The following RPRD1A variants were observed in gnomAD, a reference collection of about 807,000 sequenced individuals.
RPRD1A encodes the protein regulation of nuclear pre-mRNA domain containing 1A.
RPRD1A carries 9 observed loss-of-function variants against 37.8 expected under a neutral mutation model. The ratio of observed to expected loss-of-function variants is 0.24; its 90% CI spans 0.14 to 0.42. The LOEUF (loss-of-function observed/expected upper bound fraction) is 0.42. RPRD1A is among the 10% of genes least tolerant of loss of function. The probability of loss-of-function intolerance (pLI) is 1.00; values close to 1 mark genes in which losing one functional copy is unlikely to be tolerated. For synonymous variants in RPRD1A, 138 were observed against 139.7 expected (o/e 0.99, Z 0.08); for missense variants, 255 against 371.0 (o/e 0.69, Z 2.57).
intron 1 of RPRD1A, among the ~76,000 whole-genome samples, chr18:36,060,351 T>C (rs1049407000): frequency 2.6e-5 from 4 of 152,056 alleles, no homozygotes; most frequent in Non-Finnish European, 4.4e-5. Flanking sequence ...GAGAATGGCA[T>C]GAACCCGGGA....
At chr18:36,019,290 G>A (rs989821483) in intron 6 of RPRD1A, among the ~76,000 whole-genome samples, 1 of 151,816 alleles carries the variant, frequency 6.6e-6, no homozygotes. Flanking sequence ...TATATTTTTA[G>A]TAGAGATGGG....
At chr18:35,994,834 A>C (rs371024027) in intron 6 of RPRD1A, among the ~76,000 whole-genome samples, 1 of 152,302 alleles carries the variant, frequency 6.6e-6, no homozygotes, top group East Asian at 1.9e-4. Context: ...CACATCTACC[A>C]TGAGCCAAGA....
chr18:36,036,773 C>A (rs528934463), intron 1 of RPRD1A, among the ~76,000 whole-genome samples: 2 of 151,998 alleles, frequency 1.3e-5, no homozygotes, highest in African/African-American at 4.8e-5. Flanking sequence ...TTAAAAATAA[C>A]AGAGCCATAA....
rs542521150 is a variant in RPRD1A, at chr18:36,034,512, G to C, written c.152-675C>G. On this transcript the variant is annotated intron_variant, in intron 1 of 6. Coordinates refer to ENST00000399022, the MANE Select transcript of RPRD1A (RefSeq NM_018170.5). ...TGTGGGCCACAGTACATTTTTACTG[G>C]TTACAATGTTAAATAGCATACTACT... 9.7e-4 allele frequency among the ~76,000 whole-genome samples: 147 copies of C among 152,150 alleles called. 1 individual carries two copies. Among genetic ancestry groups the C allele is most frequent in the African/African-American group, 3.3e-3 (139 of 41,508 alleles).
At chr18:36,023,048 T>C (rs1200467136) in intron 6 of RPRD1A, among the ~76,000 whole-genome samples, 1 of 152,250 alleles carries the variant, frequency 6.6e-6, no homozygotes, top group Admixed American at 6.5e-5. Context: ...CTAGTGTTCA[T>C]GCCTGCTAAC....
chr18:36,036,932 T>A, intron 1 of RPRD1A, among the ~76,000 whole-genome samples: 1 of 152,124 alleles, frequency 6.6e-6, no homozygotes, highest in Non-Finnish European at 1.5e-5. Context: ...GCTCATGGGG[T>A]TCTTTCCAAA....
intron 1 of RPRD1A, 42 bp downstream of exon 1, chr18:36,067,212 G>T (rs1313148974): frequency 2.0e-6 from 3 of 1,522,520 alleles, no homozygotes; most frequent in East Asian, 2.5e-5. Context: ...CCTGGAGGCC[G>T]GCCGGGTGGT....
chr18:35,995,719 T>C (rs1909012907), intron 6 of RPRD1A, among the ~76,000 whole-genome samples: 1 of 151,994 alleles, frequency 6.6e-6, no homozygotes, highest in African/African-American at 2.4e-5. Context: ...GAGTACAGTA[T>C]GAAAAGGAGG....
intron 6 of RPRD1A, among the ~76,000 whole-genome samples, chr18:36,001,157 G>A (rs1160918591): frequency 6.6e-6 from 1 of 152,098 alleles, no homozygotes; most frequent in African/African-American, 2.4e-5. Context: ...AAACATACTA[G>A]GGAAAAGGCA....
intron 1 of RPRD1A, among the ~76,000 whole-genome samples, chr18:36,040,499 T>C (rs977036404): frequency 6.6e-6 from 1 of 152,202 alleles, no homozygotes; most frequent in Non-Finnish European, 1.5e-5. Context: ...AACACCAAGC[T>C]AACAAGTGTT....
intron 6 of RPRD1A, among the ~76,000 whole-genome samples, chr18:36,010,427 A>G (rs1910105281): frequency 6.6e-6 from 1 of 152,212 alleles, no homozygotes; most frequent in Admixed American, 6.5e-5. Context: ...CAGGAGCTCA[A>G]AATTTCAGTG....
intron 6 of RPRD1A, among the ~76,000 whole-genome samples, chr18:36,012,129 T>A (rs1451647561): frequency 6.6e-6 from 1 of 152,196 alleles, no homozygotes; most frequent in Admixed American, 6.5e-5. Flanking sequence ...ATGGACTGCA[T>A]ATACAACAGT....
At chr18:36,037,831 T>C (rs1912305918) in intron 1 of RPRD1A, among the ~76,000 whole-genome samples, 1 of 152,188 alleles carries the variant, frequency 6.6e-6, no homozygotes, top group Non-Finnish European at 1.5e-5. Context: ...CACTATGCTT[T>C]AGCAACAAGA....
chr18:36,042,735 T>C (rs1912671664), intron 1 of RPRD1A, among the ~76,000 whole-genome samples: 1 of 152,174 alleles, frequency 6.6e-6, no homozygotes, highest in African/African-American at 2.4e-5. Flanking sequence ...CCAACTACCA[T>C]TTTCAACCTA....
chr18:36,016,823 T>C (rs1312702899), intron 6 of RPRD1A, among the ~76,000 whole-genome samples: 5 of 152,156 alleles, frequency 3.3e-5, no homozygotes, highest in African/African-American at 1.2e-4. Flanking sequence ...TAAATGAGAT[T>C]TATAATCACA....
chr18:36,025,511 T>C, intron 6 of RPRD1A: 1 of 591,736 alleles, frequency 1.7e-6, no homozygotes, highest in Non-Finnish European at 2.6e-6. Context: ...CAGTGACAAA[T>C]GACCATCATC....
At chr18:36,046,196 A>G (rs958561390) in intron 1 of RPRD1A, among the ~76,000 whole-genome samples, 1 of 152,196 alleles carries the variant, frequency 6.6e-6, no homozygotes, top group African/African-American at 2.4e-5. Flanking sequence ...ACCAGCAAAG[A>G]AAACGGTAAG....
intron 1 of RPRD1A, among the ~76,000 whole-genome samples, chr18:36,043,056 A>C (rs1912694452): frequency 6.6e-6 from 1 of 152,268 alleles, no homozygotes; most frequent in Non-Finnish European, 1.5e-5. Context: ...CATACAATCT[A>C]CACAATATTC....
intron 6 of RPRD1A, among the ~76,000 whole-genome samples, chr18:36,014,406 A>AAAT (rs1313113516): frequency 6.6e-6 from 1 of 152,166 alleles, no homozygotes; most frequent in Non-Finnish European, 1.5e-5. Context: ...CATCAACCTA[A>AAAT]AATGACACCA....
Sources: allele counts gnomAD v4.1 joint callset (sites outside exome capture counted in the v4.1 genomes callset), GRCh38; gene constraint gnomAD v4.1.1; transcripts MANE v1.5; gene names NCBI Gene and HGNC (gene_info 2026-07-23, HGNC 2026-07-21).